The following VPS37C variants were observed in gnomAD, a reference collection of about 807,000 sequenced individuals.
The protein encoded by VPS37C is vacuolar protein sorting-associated protein 37C.
In VPS37C, 9 loss-of-function variants were observed where a neutral mutation model predicts 16.1. That is an observed-to-expected ratio of 0.56 (90% CI 0.34 to 0.97). The LOEUF is 0.97. VPS37C is among the 50% of genes least tolerant of loss of function. The pLI, the probability that VPS37C is intolerant of heterozygous loss-of-function variation, is 0.02. For missense variants in VPS37C, 479 were observed against 472.7 expected (o/e 1.01, Z -0.12); for synonymous variants, 207 against 206.4 (o/e 1.00, Z -0.02).
In VPS37C at chr11:61,131,746, C is replaced by T. The variant is rs184611256; in HGVS notation, c.*74G>A. On this transcript the variant is annotated 3_prime_UTR_variant, in exon 5 of 5. Coordinates refer to ENST00000301765, the MANE Select transcript of VPS37C (RefSeq NM_017966.5). ...ACCAACGCCACTTCCAGTTGACCCTCGAATCTCGGCGATGGCTGGGCCAAA... is the reference window on the plus strand; with the variant it reads ...ACCAACGCCACTTCCAGTTGACCCTTGAATCTCGGCGATGGCTGGGCCAAA... The T allele has an allele frequency of 3.0e-4, 367 of 1,234,324 alleles. No homozygotes were observed. The highest frequency in any genetic ancestry group is 3.5e-4 in the Non-Finnish European group (345 of 988,860). The allele number at this position is 1,234,324 out of a possible 1,614,324, so 76.5% of individuals were successfully genotyped here.
intron 1 of VPS37C, among the ~76,000 whole-genome samples, chr11:61,149,377 A>G (rs1450766939): frequency 6.6e-6 from 1 of 152,216 alleles, no homozygotes; most frequent in African/African-American, 2.4e-5. Context: ...TTCACTAGCT[A>G]TATCACCATG....
At chr11:61,147,241 G>C (rs187925462) in intron 1 of VPS37C, among the ~76,000 whole-genome samples, 1 of 152,286 alleles carries the variant, frequency 6.6e-6, no homozygotes, top group East Asian at 1.9e-4. Flanking sequence ...TTGCCACAAT[G>C]CACTGAAAGG....
chr11:61,132,349 C>G lies in VPS37C; in HGVS notation c.539G>C (p.Arg180Pro). 1.3e-6 allele frequency: 2 copies of G among 1,598,440 alleles called. No individual in the cohort carries two copies. Among genetic ancestry groups the G allele is most frequent in the Non-Finnish European group, 1.7e-6 (2 of 1,172,362 alleles). The part of the protein sequence containing the change: ...APPPRPPPPV[R>P]PVPQGTPPVV... ...AGGGGGTGTTCCCTGGGGGACTGGG[C>G]GCACCGGGGGTGGTGGACGGGGTGG... The change falls in exon 5 of 5, where the codon CGC becomes CCC. Residue 180 changes from arginine (R) to proline (P), a missense_variant. By Grantham distance (103) the Arg-to-Pro change is moderately radical. Coordinates refer to ENST00000301765, the MANE Select transcript of VPS37C (RefSeq NM_017966.5).
intron 2 of VPS37C, among the ~76,000 whole-genome samples, chr11:61,136,204 T>C (rs1293532942): frequency 6.7e-6 from 1 of 149,048 alleles, no homozygotes; most frequent in Non-Finnish European, 1.5e-5. Flanking sequence ...TTCGCTCTGT[T>C]GCCCAGGCTG....
chr11:61,156,224 T>C (rs1164630992), intron 1 of VPS37C, among the ~76,000 whole-genome samples: 3 of 152,192 alleles, frequency 2.0e-5, no homozygotes, highest in Non-Finnish European at 4.4e-5. Context: ...CTCAACCATA[T>C]CAATAACCAC....
chr11:61,151,872 G>A (rs1853303377), intron 1 of VPS37C, among the ~76,000 whole-genome samples: 1 of 152,220 alleles, frequency 6.6e-6, no homozygotes, highest in Non-Finnish European at 1.5e-5. Context: ...TGACAGTAAA[G>A]CCAAGCCACT....
At chr11:61,160,335 G>A (rs1277510133) in intron 1 of VPS37C, among the ~76,000 whole-genome samples, 1 of 152,164 alleles carries the variant, frequency 6.6e-6, no homozygotes, top group Non-Finnish European at 1.5e-5. Context: ...TGTCTGCAGG[G>A]TTGCAGCTTT....
chr11:61,141,002 G>A (rs1861464544), intron 1 of VPS37C, among the ~76,000 whole-genome samples: 1 of 152,184 alleles, frequency 6.6e-6, no homozygotes, highest in South Asian at 2.1e-4. Flanking sequence ...TTTGTGGCCA[G>A]GAGGTCAAGA....
At chr11:61,137,875 G>A (rs1357196385) in intron 2 of VPS37C, among the ~76,000 whole-genome samples, 1 of 152,174 alleles carries the variant, frequency 6.6e-6, no homozygotes, top group Non-Finnish European at 1.5e-5. Flanking sequence ...AGAAACAGGA[G>A]CAGGGGACTC....
chr11:61,132,757 G>T, intron 4 of VPS37C: 2 of 687,582 alleles, frequency 2.9e-6, no homozygotes, highest in Middle Eastern at 8.3e-4. Flanking sequence ...GACTGTCTCT[G>T]TCGTGGTCAC....
At chr11:61,160,324 G>A (rs1362228266) in intron 1 of VPS37C, among the ~76,000 whole-genome samples, 1 of 152,168 alleles carries the variant, frequency 6.6e-6, no homozygotes, top group African/African-American at 2.4e-5. Context: ...CAGAGTTCAG[G>A]TGTCTGCAGG....
chr11:61,158,054 T>G (rs185929407), intron 1 of VPS37C, among the ~76,000 whole-genome samples: 14 of 152,356 alleles, frequency 9.2e-5, no homozygotes, highest in African/African-American at 3.1e-4. Flanking sequence ...TTGTACAGCC[T>G]GTAGAACCGT....
chr11:61,131,521 C>T lies in VPS37C; in HGVS notation c.*299G>A, dbSNP rs1264587256. The T allele has an allele frequency of 5.9e-6, 2 of 341,002 alleles. No homozygotes were observed. Among genetic ancestry groups the T allele is most frequent in the African/African-American group, 4.2e-5 (2 of 47,540 alleles). 21.1% of individuals were successfully genotyped at this position (341,002 alleles called of 1,614,324 possible). ...AGCCGCAAGTAGATGCTCATAAATG[C>T]GCACATGCGCTCACTCACACAGACA... On this transcript the variant is annotated 3_prime_UTR_variant, in exon 5 of 5. Transcript: ENST00000301765.
chr11:61,138,729 C>T lies in VPS37C; in HGVS notation c.93+8G>A. 2 of 1,613,948 alleles carry T rather than the reference C, an allele frequency of 1.2e-6. No individual in the cohort carries two copies. The highest frequency in any genetic ancestry group is 2.7e-5 in the African/African-American group (2 of 75,014). On this transcript the variant is annotated splice_region_variant and intron_variant, in intron 2 of 4. Transcript: ENST00000301765. ...CCTCTGTTGGGTCCCATACCAGCCT[C>T]CCTCTACCTCAGGGGACTCCAGGGC...
chr11:61,154,465 A>G (rs1474129573), intron 1 of VPS37C, among the ~76,000 whole-genome samples: 1 of 152,192 alleles, frequency 6.6e-6, no homozygotes, highest in Non-Finnish European at 1.5e-5. Flanking sequence ...AGCAGATTAG[A>G]CAATGCAGAA....
At chr11:61,146,527 C>A (rs1213891310) in intron 1 of VPS37C, among the ~76,000 whole-genome samples, 1 of 152,220 alleles carries the variant, frequency 6.6e-6, no homozygotes, top group Non-Finnish European at 1.5e-5. Context: ...GCATGCCATG[C>A]CAGGAGCAGC....
At position 61,132,035 on chromosome 11, in the gene VPS37C, G is replaced by A; in HGVS notation, c.853C>T (p.Pro285Ser). 1.4e-6 allele frequency: 2 copies of A among 1,382,826 alleles called. No homozygotes were observed. Among genetic ancestry groups the A allele is most frequent in the Non-Finnish European group, 1.9e-6 (2 of 1,064,606 alleles). 85.7% of individuals were successfully genotyped at this position (1,382,826 alleles called of 1,614,324 possible). The change falls in exon 5 of 5, where the codon CCC (proline) becomes TCC (serine). Residue 285 changes from proline (P) to serine (S), a missense_variant. Transcript: ENST00000301765. The part of the protein sequence containing the change: ...TPMGASGPGY[P>S]LRGGRAPSPG... ...CTGGGGGCCCTGCCTCCCCGCAAGG[G>A]GTACCCAGGCCCAGAGGCACCCATT...
intron 1 of VPS37C, among the ~76,000 whole-genome samples, chr11:61,153,722 C>T (rs557084240): frequency 6.6e-6 from 1 of 152,316 alleles, no homozygotes; most frequent in East Asian, 1.9e-4. Context: ...GCCCAAGACA[C>T]AGGCAGTGGA....
At chr11:61,148,578 TAAAAA>T (rs148831092) in intron 1 of VPS37C, among the ~76,000 whole-genome samples, 13 of 143,580 alleles carry the variant, frequency 9.1e-5, no homozygotes, top group Non-Finnish European at 7.6e-5. Flanking sequence ...CACAGGAGGT[TAAAAA>T]AAAAAAAAAA....
Sources: gnomAD v4.1 joint callset for allele counts (sites outside exome capture counted in the v4.1 genomes callset) on GRCh38, gnomAD v4.1.1 for gene constraint, MANE v1.5 for transcripts, NCBI Gene and HGNC (gene_info 2026-07-23, HGNC 2026-07-21) for gene names.